The following SEL1L2 variants were observed in gnomAD, a reference collection of about 807,000 sequenced individuals.
SEL1L2 encodes the protein protein sel-1 homolog 2.
Under a neutral mutation model 98.8 loss-of-function variants are expected in SEL1L2, and 89 were observed. The observed-to-expected ratio is 0.90, with a 90% CI of 0.76 to 1.07. SEL1L2 has a LOEUF of 1.07. Among genes scored for constraint, SEL1L2 ranks in the 50% least tolerant of loss-of-function variants. The pLI, the probability that SEL1L2 is intolerant of heterozygous loss-of-function variation, is 0.00. For synonymous variants in SEL1L2, 262 were observed against 278.5 expected, an observed-to-expected ratio of 0.94 and a Z score of 0.59; for missense variants, 788 against 812.0, an observed-to-expected ratio of 0.97 and a Z score of 0.36.
intron 15 of SEL1L2, 126 bp downstream of exon 15, chr20:13,866,576 C>T: frequency 2.5e-6 from 2 of 811,072 alleles, no homozygotes; most frequent in Non-Finnish European, 3.6e-6. Context: ...TCAGTATTCA[C>T]ATTGTCAACT....
At chr20:13,889,660 G>T (rs556797838) in intron 5 of SEL1L2, among the ~76,000 whole-genome samples, 3 of 151,926 alleles carry the variant, frequency 2.0e-5, no homozygotes, top group Admixed American at 2.0e-4. Flanking sequence ...GCGTGGTAGC[G>T]GGGGCCTGTA....
At chr20:13,898,867 C>T (rs182413775) in intron 5 of SEL1L2, among the ~76,000 whole-genome samples, 99 of 152,246 alleles carry the variant, frequency 6.5e-4, no homozygotes, top group African/African-American at 2.0e-3. Flanking sequence ...CTCACCCTCC[C>T]GAGTATCTGG....
intron 1 of SEL1L2, among the ~76,000 whole-genome samples, chr20:13,975,900 C>T (rs1191173727): frequency 2.6e-5 from 4 of 152,172 alleles, no homozygotes; most frequent in Non-Finnish European, 4.4e-5. Context: ...GTTGTCCGGG[C>T]TAGTCTTGAA....
chr20:13,931,793 C>T (rs551975914), intron 2 of SEL1L2, 22 bp from the exon 3 acceptor site: 7 of 1,477,684 alleles, frequency 4.7e-6, no homozygotes, highest in South Asian at 1.4e-5. Context: ...AAGACTGTTG[C>T]TCATTTTGTT....
At chr20:13,931,048 ATTTT>A (rs11469570) in intron 3 of SEL1L2, among the ~76,000 whole-genome samples, 1 of 144,208 alleles carries the variant, frequency 6.9e-6, no homozygotes, top group Non-Finnish European at 1.5e-5. Context: ...AGGAGTATCT[ATTTT>A]TTTTTTTTTT....
intron 5 of SEL1L2, among the ~76,000 whole-genome samples, chr20:13,894,259 A>G (rs1328423519): frequency 6.6e-6 from 1 of 152,150 alleles, no homozygotes; most frequent in Non-Finnish European, 1.5e-5. Flanking sequence ...AGGTTTTTTA[A>G]AAATATCAAC....
intron 2 of SEL1L2, among the ~76,000 whole-genome samples, chr20:13,948,394 C>T (rs576857209): frequency 5.9e-5 from 9 of 152,040 alleles, no homozygotes; most frequent in South Asian, 2.1e-4. Context: ...CAAAAGAGTG[C>T]GGCACAAAGA....
At chr20:13,919,516 G>A (rs6131537) in intron 3 of SEL1L2, among the ~76,000 whole-genome samples, 3,654 of 152,252 alleles carry the variant, frequency 0.024, 119 homozygotes, top group East Asian at 0.09. Context: ...TCTGAGCATA[G>A]CACAGTAAAT....
chr20:13,949,669 A>G (rs1373937291), intron 2 of SEL1L2, among the ~76,000 whole-genome samples: 1 of 150,436 alleles, frequency 6.6e-6, no homozygotes, highest in Non-Finnish European at 1.5e-5. Flanking sequence ...TCTCAAAACA[A>G]AAAACAAAAA....
At chr20:13,936,554 A>C (rs761751726) in intron 2 of SEL1L2, among the ~76,000 whole-genome samples, 2 of 152,088 alleles carry the variant, frequency 1.3e-5, no homozygotes, top group Non-Finnish European at 1.5e-5. Flanking sequence ...CCCCATCCAG[A>C]ATTGGATTCA....
In SEL1L2 at chr20:13,905,356, C is replaced by T. The variant is rs573848318; in HGVS notation, c.549+8426G>A. ...GAGACGGAGTCTCACTCTTGTCACC[C>T]GGGCTGGAGTGCAGTGGCGTGATCT... On this transcript the variant is annotated intron_variant, in intron 5 of 19. Coordinates refer to ENST00000284951, the MANE Select transcript of SEL1L2 (RefSeq NM_025229.2). Among the ~76,000 whole-genome samples, 18 of 149,850 alleles carry T rather than the reference C, an allele frequency of 1.2e-4. No individual in the cohort carries two copies. The East Asian group carries it at 2.2e-3, about 18-fold the overall frequency.
At chr20:13,908,061 C>A (rs2048045567) in intron 5 of SEL1L2, among the ~76,000 whole-genome samples, 1 of 133,422 alleles carries the variant, frequency 7.5e-6, no homozygotes, top group South Asian at 2.6e-4. Flanking sequence ...GTTAGGATTA[C>A]AAGGCAGGAG....
At chr20:13,924,605 C>A (rs1390160463) in intron 3 of SEL1L2, among the ~76,000 whole-genome samples, 1 of 151,430 alleles carries the variant, frequency 6.6e-6, no homozygotes, top group Non-Finnish European at 1.5e-5. Context: ...TCTTTTTTTT[C>A]ATAGAGACAG....
chr20:13,898,798 A>G (rs1340912239), intron 5 of SEL1L2, among the ~76,000 whole-genome samples: 1 of 152,182 alleles, frequency 6.6e-6, no homozygotes, highest in African/African-American at 2.4e-5. Flanking sequence ...GCTGGAGTAC[A>G]ATGGCCCGAT....
At chr20:13,888,345 G>C (rs535759000) in intron 6 of SEL1L2, 114 bp downstream of exon 6, 1 of 719,928 alleles carries the variant, frequency 1.4e-6, no homozygotes, top group Non-Finnish European at 2.4e-6. Context: ...CTATTAAGTT[G>C]GTGTTTTCAA....
At chr20:13,957,275 A>G (rs753345377) in intron 1 of SEL1L2, among the ~76,000 whole-genome samples, 1 of 151,428 alleles carries the variant, frequency 6.6e-6, no homozygotes, top group South Asian at 2.1e-4. Context: ...TAATTTTTCT[A>G]TTTTCAGTGG....
At chr20:13,956,196 C>A (rs911315370) in intron 1 of SEL1L2, 65 bp from the exon 2 acceptor site, 10 of 789,264 alleles carry the variant, frequency 1.3e-5, no homozygotes, top group Non-Finnish European at 2.0e-5. Context: ...TCACTAAATA[C>A]AATTTATTGT....
At chr20:13,862,250 T>C (rs1990254132) in intron 17 of SEL1L2, among the ~76,000 whole-genome samples, 2 of 152,204 alleles carry the variant, frequency 1.3e-5, no homozygotes, top group Non-Finnish European at 2.9e-5. Flanking sequence ...TAGAAAAAAC[T>C]CATGTGACTT....
At chr20:13,994,295 C>CAAAAAAAAAAAAAAAAAAAAAAAAAAAAA (rs10557935), upstream of SEL1L2, among the ~76,000 whole-genome samples, 1 of 70,956 alleles carries the variant, frequency 1.4e-5, no homozygotes, top group African/African-American at 5.4e-5. Flanking sequence ...AACTCTGCCT[C>CAAAAAAAAAAAAAAAAAAAAAAAAAAAAA]AAAAAAAAAA....
Sources: allele counts gnomAD v4.1 joint callset (sites outside exome capture counted in the v4.1 genomes callset), GRCh38; gene constraint gnomAD v4.1.1; transcripts MANE v1.5; gene names NCBI Gene and HGNC (gene_info 2026-07-23, HGNC 2026-07-21).